GNAT2: variants seen among roughly 807,000 people sequenced by gnomAD.
GNAT2 encodes G protein subunit alpha transducin 2, also known as guanine nucleotide-binding protein G(t) subunit alpha-2.
In GNAT2, 32 loss-of-function variants were observed where a neutral mutation model predicts 40.9. The ratio of observed to expected loss-of-function variants is 0.78; its 90% confidence interval spans 0.59 to 1.05. GNAT2 has a LOEUF of 1.05. GNAT2 is among the 50% of genes least tolerant of loss of function. GNAT2 has a pLI of 0.00. For synonymous variants in GNAT2, 141 were observed against 157.2 expected (o/e 0.90, Z 0.77); for missense variants, 355 against 431.5 (o/e 0.82, Z 1.57).
At chr1:109,605,858 G>T in intron 7 of GNAT2, 112 bp downstream of exon 7, 1 of 905,650 alleles carries the variant, frequency 1.1e-6, no homozygotes, top group Non-Finnish European at 1.9e-6. Flanking sequence ...CTGCTGGAGG[G>T]CTGCTAGACT....
chr1:109,616,746 T>C (rs1649961710), intron 1 of GNAT2: 1 of 152,138 alleles, frequency 6.6e-6, no homozygotes, highest in Non-Finnish European at 1.5e-5. Flanking sequence ...ATGAATAGAC[T>C]TTCCACAGAG....
chr1:109,614,744 C>T (rs1260541990), intron 1 of GNAT2: 5 of 152,234 alleles, frequency 3.3e-5, no homozygotes, highest in African/African-American at 1.2e-4. Context: ...GGTCTCCCCG[C>T]CTATCAGGTA....
At position 109,604,109 on chromosome 1, in the gene GNAT2, T is replaced by G. The variant is rs1649521801; in HGVS notation, c.721-5A>C. 8 of 1,605,636 alleles carry G rather than the reference T, an allele frequency of 5.0e-6. No individual in the cohort carries two copies. In the East Asian group the frequency reaches 1.8e-4, roughly 36 times the overall value. ...CAAAGACTCATGCATACGATTCTAG[T>G]AAGAGGAAACACCATTGGAAATATC... On this transcript the variant is annotated splice_polypyrimidine_tract_variant and splice_region_variant and intron_variant, in intron 7 of 8. Transcript: ENST00000679935.
At chr1:109,614,858 A>C (rs1323648800) in intron 1 of GNAT2, 1 of 152,220 alleles carries the variant, frequency 6.6e-6, no homozygotes, top group East Asian at 1.9e-4. Flanking sequence ...CATGGTAGCC[A>C]TGTTTTCCCA....
chr1:109,606,303 C>T lies in GNAT2; in HGVS notation c.590+5G>A, dbSNP rs1488296684. On this transcript the variant is annotated splice_donor_5th_base_variant and intron_variant, in intron 6 of 8. Coordinates refer to ENST00000679935, the MANE Select transcript of GNAT2 (RefSeq NM_001377295.2). ...CCGAGATGCCCTAGGGAACCATGCA[C>T]TTACCTGAAATTCAAGTCTTTGACG... The T allele has an allele frequency of 1.9e-6, 3 of 1,613,860 alleles. No individual in the cohort carries two copies. The highest frequency in any genetic ancestry group is 3.3e-5 in the Admixed American group (2 of 60,018).
intron 4 of GNAT2, chr1:109,609,067 C>T (rs1217756994): frequency 2.1e-6 from 1 of 487,446 alleles, no homozygotes; most frequent in Non-Finnish European, 3.8e-6. Context: ...CATCCTTAGT[C>T]TGAAAGTTTA....
intron 1 of GNAT2, chr1:109,613,668 CAG>C: frequency 6.6e-6 from 1 of 152,606 alleles, no homozygotes; most frequent in East Asian, 1.9e-4. Context: ...TTGAACCTCT[CAG>C]AACTTGTAGT....
intron 4 of GNAT2, chr1:109,609,060 C>A (rs962817921): frequency 4.0e-6 from 2 of 499,028 alleles, no homozygotes; most frequent in African/African-American, 3.9e-5. Context: ...TGGCTTCCAT[C>A]CTTAGTCTGA....
At chr1:109,604,303 A>G (rs1649528273) in intron 7 of GNAT2, 199 bp from the exon 8 acceptor site, 3 of 593,362 alleles carry the variant, frequency 5.1e-6, no homozygotes, top group Non-Finnish European at 6.0e-6. Flanking sequence ...TAGCTGTGTG[A>G]CTTGTGGAAA....
At chr1:109,606,231 G>A (rs1649589184) in intron 6 of GNAT2, 77 bp downstream of exon 6, 1 of 1,575,238 alleles carries the variant, frequency 6.3e-7, no homozygotes, top group Non-Finnish European at 8.7e-7. Flanking sequence ...CTTCACCAAA[G>A]GCCAAGAAGC....
chr1:109,605,704 T>C (rs754049350), intron 7 of GNAT2: 8 of 434,320 alleles, frequency 1.8e-5, no homozygotes, highest in East Asian at 5.0e-5. Context: ...ATTCCTCTTA[T>C]GAGCTTTGTG....
intron 2 of GNAT2, 83 bp from the exon 3 acceptor site, chr1:109,610,590 A>AGTGGCT: frequency 1.7e-6 from 2 of 1,154,072 alleles, no homozygotes; most frequent in Non-Finnish European, 2.6e-6. Flanking sequence ...AGTCAGAGCC[A>AGTGGCT]CTGCTTGCTT....
rs3738766 is a variant in GNAT2, at chr1:109,608,773, G to T, written c.319C>A (p.Leu107Ile). 56,597 of 1,613,600 alleles carry T rather than the reference G, an allele frequency of 0.035. 2,455 individuals are homozygous for T. The highest frequency in any genetic ancestry group is 0.23 in the East Asian group (10,446 of 44,860). The change falls in exon 5 of 9, where the codon CTC (leucine) becomes ATC (isoleucine). Residue 107 changes from leucine (L) to isoleucine (I), a missense_variant. Leu to Ile is a conservative substitution (Grantham distance 5). Coordinates refer to ENST00000679935, the MANE Select transcript of GNAT2 (RefSeq NM_001377295.2). Reference sequence around the variant, plus strand: ...TCAATGGAGTCAGCCAGGTTGTTGAGCTGTCGCCCGTCATCCTGTAATGCA... The same window carrying T: ...TCAATGGAGTCAGCCAGGTTGTTGATCTGTCGCCCGTCATCCTGTAATGCA... ...EPSCADDGRQ[L>I]NNLADSIEEG...
Position 109,603,191 on chromosome 1 carries a change from C to T in GNAT2, c.*163G>A. On this transcript the variant is annotated 3_prime_UTR_variant, in exon 9 of 9. Transcript: ENST00000679935. ...GCTCTTTAAGCTGCAATAGCTATCC[C>T]ACTTTGAAAAGAACGTATGAAATAC... The T allele has an allele frequency of 1.5e-6, 1 of 654,256 alleles. No homozygotes were observed. The highest frequency in any genetic ancestry group is 2.4e-5 in the Admixed American group (1 of 42,420). The allele number at this position is 654,256 out of a possible 1,614,324, so 40.5% of individuals were successfully genotyped here. A position where few individuals can be genotyped will look rare whatever the true frequency, so the allele number is the denominator to read the frequency against.
chr1:109,605,964 A>T lies in GNAT2; in HGVS notation c.720+6T>A. 6.2e-7 allele frequency: 1 copy of T among 1,613,256 alleles called. No homozygotes were observed. Among genetic ancestry groups the T allele is most frequent in the South Asian group, 1.1e-5 (1 of 91,054 alleles). On this transcript the variant is annotated splice_donor_region_variant and intron_variant, in intron 7 of 8. Coordinates refer to ENST00000679935, the MANE Select transcript of GNAT2 (RefSeq NM_001377295.2). ...ACCAAAGCTGCTTGATGCAAAGGCC[A>T]CTCACCACTTCGTCATCTTCCACCA...
chr1:109,603,177 T>C lies in GNAT2; in HGVS notation c.*177A>G. The C allele has an allele frequency of 1.6e-6, 1 of 629,906 alleles. No homozygotes were observed. Among genetic ancestry groups the C allele is most frequent in the East Asian group, 2.8e-5 (1 of 36,276 alleles). 39.0% of individuals were successfully genotyped at this position (629,906 alleles called of 1,614,324 possible). Reference sequence around the variant, plus strand: ...AACTACTGGCCTGTGCTCTTTAAGCTGCAATAGCTATCCCACTTTGAAAAG... The same window carrying C: ...AACTACTGGCCTGTGCTCTTTAAGCCGCAATAGCTATCCCACTTTGAAAAG... On this transcript the variant is annotated 3_prime_UTR_variant, in exon 9 of 9. Transcript: ENST00000679935.
intron 7 of GNAT2, chr1:109,604,307 G>T: frequency 5.1e-6 from 3 of 589,036 alleles, no homozygotes; most frequent in Non-Finnish European, 9.1e-6. Context: ...TGTGTGACTT[G>T]TGGAAAATTA....
At position 109,608,696 on chromosome 1, in the gene GNAT2, C is replaced by T. The variant is rs755278059; in HGVS notation, c.396G>A (p.Lys132=). Residue 132 remains lysine (K), a synonymous_variant, in exon 5 of 9, where the codon AAG becomes AAA. Transcript: ENST00000679935. ...CGAAGCAGGCTTGCACCCCACCATCCTTCCACAACCTCCTAATGACCTCCA... is the reference window on the plus strand; with the variant it reads ...CGAAGCAGGCTTGCACCCCACCATCTTTCCACAACCTCCTAATGACCTCCA... ...ELVEVIRRLW[K]DGGVQACFER... 1.7e-5 allele frequency: 27 copies of T among 1,613,908 alleles called. No homozygotes were observed. The highest frequency in any genetic ancestry group is 2.2e-5 in the Non-Finnish European group (26 of 1,179,886).
intron 1 of GNAT2, 187 bp from the exon 2 acceptor site, chr1:109,613,110 A>G (rs535445250): frequency 5.9e-6 from 3 of 504,730 alleles, no homozygotes; most frequent in South Asian, 5.9e-5. Flanking sequence ...TGTAGCCTTT[A>G]TATCTAGCAA....
Sources: allele counts gnomAD v4.1 joint callset, GRCh38; gene constraint gnomAD v4.1.1; transcripts MANE v1.5; gene names NCBI Gene and HGNC (gene_info 2026-07-23, HGNC 2026-07-21).